The following REEP3 variants were observed in gnomAD, a reference collection of about 807,000 sequenced individuals.
REEP3 encodes the protein receptor accessory protein 3.
A neutral mutation model predicts 41.3 loss-of-function variants in REEP3; 20 were observed. That is an observed-to-expected ratio of 0.48 (90% confidence interval 0.34 to 0.70). The LOEUF (loss-of-function observed/expected upper bound fraction) is 0.70. Ranked by LOEUF, REEP3 falls within the 30% of genes least tolerant of loss-of-function variation. REEP3 has a pLI of 0.01. For missense variants in REEP3, 271 were observed against 308.8 expected (o/e 0.88, Z 0.92); for synonymous variants, 104 against 101.8 (o/e 1.02, Z -0.13).
At chr10:63,581,465 G>A (rs573108659) in intron 2 of REEP3, among the ~76,000 whole-genome samples, 3 of 152,182 alleles carry the variant, frequency 2.0e-5, no homozygotes, top group African/African-American at 7.2e-5. Flanking sequence ...TCTTGGCTAC[G>A]TGTGGCAACT....
At chr10:63,599,625 T>C in intron 5 of REEP3, 2 of 892,530 alleles carry the variant, frequency 2.2e-6, no homozygotes, top group East Asian at 1.2e-4. Flanking sequence ...GTGTTCTTTC[T>C]CTCTCTTTTT....
chr10:63,523,113 TG>T (rs1356712243), intron 1 of REEP3, among the ~76,000 whole-genome samples: 5 of 152,162 alleles, frequency 3.3e-5, no homozygotes. Flanking sequence ...TTTTCATAAT[TG>T]CCAATGAATA....
chr10:63,562,992 T>C, intron 1 of REEP3: 1 of 456,540 alleles, frequency 2.2e-6, no homozygotes, highest in Non-Finnish European at 4.4e-6. Context: ...TATGATTGGC[T>C]TCCTTCTAAG....
intron 5 of REEP3, among the ~76,000 whole-genome samples, chr10:63,605,185 G>A (rs1350427815): frequency 6.6e-6 from 1 of 152,176 alleles, no homozygotes; most frequent in Non-Finnish European, 1.5e-5. Context: ...AAGTAGTTTT[G>A]GTGGTAGGTT....
Position 63,620,850 on chromosome 10 carries a change from G to T in REEP3, c.749G>T (p.Arg250Leu). ...TCACTAAAATACAAAGTGAAGAAACGACCACAAGTGTATTTTTAGTCATCT... is the reference window on the plus strand; with the variant it reads ...TCACTAAAATACAAAGTGAAGAAACTACCACAAGTGTATTTTTAGTCATCT... Reference protein sequence around the residue: ...YGSLKYKVKKRPQVYF With the variant: ...YGSLKYKVKKLPQVYF The change falls in exon 8 of 8, where the codon CGA (arginine) becomes CTA (leucine). Residue 250 changes from arginine (R) to leucine (L), a missense_variant. Physicochemically the swap from Arg to Leu is moderately radical, Grantham distance 102. Coordinates refer to ENST00000373758, the MANE Select transcript of REEP3 (RefSeq NM_001001330.3). 1 of 1,607,122 alleles carries T rather than the reference G, an allele frequency of 6.2e-7. No individual in the cohort carries two copies. The highest frequency in any genetic ancestry group is 1.1e-5 in the South Asian group (1 of 90,206).
chr10:63,586,222 G>T (rs778974756), intron 2 of REEP3, among the ~76,000 whole-genome samples: 3 of 152,114 alleles, frequency 2.0e-5, no homozygotes, highest in African/African-American at 7.2e-5. Flanking sequence ...TCACATGACC[G>T]TCTGGATTTC....
At chr10:63,565,905 G>A (rs1301280759) in intron 1 of REEP3, among the ~76,000 whole-genome samples, 70 of 122,084 alleles carry the variant, frequency 5.7e-4, no homozygotes, top group African/African-American at 2.1e-3. Flanking sequence ...TTTTTTTTGA[G>A]ACAGAGTCTT....
At chr10:63,542,991 C>T (rs1955542509) in intron 1 of REEP3, among the ~76,000 whole-genome samples, 1 of 152,062 alleles carries the variant, frequency 6.6e-6, no homozygotes, top group Non-Finnish European at 1.5e-5. Context: ...ATATTGCTGC[C>T]ACGTTTCTCT....
At chr10:63,616,142 C>T (rs1036154300) in intron 6 of REEP3, among the ~76,000 whole-genome samples, 2 of 152,162 alleles carry the variant, frequency 1.3e-5, no homozygotes, top group African/African-American at 4.8e-5. Context: ...GGTGTATTAA[C>T]TCCCCAGCCT....
chr10:63,580,327 G>T (rs1474354242), intron 2 of REEP3, among the ~76,000 whole-genome samples: 1 of 151,970 alleles, frequency 6.6e-6, no homozygotes, highest in African/African-American at 2.4e-5. Flanking sequence ...CTAGAGACGG[G>T]GGTCTCACTA....
intron 6 of REEP3, among the ~76,000 whole-genome samples, chr10:63,617,809 ACT>A (rs1371199572): frequency 3.8e-4 from 33 of 86,424 alleles, no homozygotes; most frequent in African/African-American, 1.4e-3. Context: ...AAATCCTTCT[ACT>A]CTTTTTTTTT....
At chr10:63,609,702 A>G (rs1205792344) in intron 5 of REEP3, among the ~76,000 whole-genome samples, 1 of 152,156 alleles carries the variant, frequency 6.6e-6, no homozygotes, top group East Asian at 1.9e-4. Context: ...TAGAGGTTGC[A>G]GTAGCCAAGA....
chr10:63,563,421 C>G (rs7074301), intron 1 of REEP3, among the ~76,000 whole-genome samples: 3,248 of 152,248 alleles, frequency 0.021, 109 homozygotes, highest in African/African-American at 0.072. Flanking sequence ...ATAGCTGATT[C>G]TAGGAATGGG....
At chr10:63,617,812 CTTTT>C (rs60910642) in intron 6 of REEP3, among the ~76,000 whole-genome samples, 24 of 83,548 alleles carry the variant, frequency 2.9e-4, no homozygotes, top group East Asian at 1.0e-3. Flanking sequence ...TCCTTCTACT[CTTTT>C]TTTTTTTTTT....
At chr10:63,532,575 G>C (rs933920818) in intron 1 of REEP3, among the ~76,000 whole-genome samples, 1 of 151,716 alleles carries the variant, frequency 6.6e-6, no homozygotes, top group South Asian at 2.1e-4. Flanking sequence ...AGAATGGCGT[G>C]AACCCAGGAG....
rs970606613 is a variant in REEP3, at chr10:63,624,963, A to G, written c.*4094A>G. 1.3e-5 allele frequency: 2 copies of G among 152,122 alleles called. No individual in the cohort carries two copies. Among genetic ancestry groups the G allele is most frequent in the African/African-American group, 4.8e-5 (2 of 41,428 alleles). 9.4% of individuals were successfully genotyped at this position (152,122 alleles called of 1,614,324 possible). On this transcript the variant is annotated 3_prime_UTR_variant, in exon 8 of 8. Coordinates refer to ENST00000373758, the MANE Select transcript of REEP3 (RefSeq NM_001001330.3). The stretch of plus-strand genomic sequence containing the variant: ...CATTTAAGCTTTAGAGAGAAATCCT[A>G]TGTTTTAAGAAGTTTCTTTGTGTTA...
chr10:63,601,266 T>G (rs1259124334), intron 5 of REEP3, among the ~76,000 whole-genome samples: 1 of 152,224 alleles, frequency 6.6e-6, no homozygotes, highest in African/African-American at 2.4e-5. Flanking sequence ...CCATCATGAT[T>G]TTCACCCTCA....
chr10:63,559,902 A>G (rs1388858954), intron 1 of REEP3, among the ~76,000 whole-genome samples: 2 of 152,184 alleles, frequency 1.3e-5, no homozygotes, highest in Non-Finnish European at 2.9e-5. Context: ...TATACCATGT[A>G]GTTGTTAAAT....
intron 6 of REEP3, among the ~76,000 whole-genome samples, chr10:63,617,175 T>C (rs1054098341): frequency 1.3e-5 from 2 of 152,146 alleles, no homozygotes; most frequent in African/African-American, 4.8e-5. Flanking sequence ...ACACACTTCC[T>C]TGGACCACTG....
Sources: gnomAD v4.1 joint callset for allele counts (sites outside exome capture counted in the v4.1 genomes callset) on GRCh38, gnomAD v4.1.1 for gene constraint, MANE v1.5 for transcripts, NCBI Gene and HGNC (gene_info 2026-07-23, HGNC 2026-07-21) for gene names.